The following UBA6 variants were observed in gnomAD, a reference collection of about 807,000 sequenced individuals.
UBA6 encodes ubiquitin-like modifier-activating enzyme 6.
UBA6 carries 87 observed loss-of-function variants against 148.3 expected under a neutral mutation model. The observed-to-expected ratio is 0.59, with a 90% CI of 0.49 to 0.70. The LOEUF (loss-of-function observed/expected upper bound fraction) is 0.70, where lower values mean the gene tolerates loss of function less well. Among genes scored for constraint, UBA6 ranks in the 30% least tolerant of loss-of-function variants. The pLI is 0.00. For missense variants in UBA6, 1,186 were observed against 1,241.2 expected (o/e 0.96, Z 0.67); for synonymous variants, 376 against 401.0 (o/e 0.94, Z 0.75).
At chr4:67,628,021 T>G (rs565649159) in intron 27 of UBA6, among the ~76,000 whole-genome samples, 1 of 149,948 alleles carries the variant, frequency 6.7e-6, no homozygotes, top group East Asian at 2.0e-4. Context: ...TACAGTATAA[T>G]ACCACCCAAG....
intron 6 of UBA6, among the ~76,000 whole-genome samples, chr4:67,676,768 C>T (rs867663753): frequency 1.3e-5 from 2 of 152,096 alleles, no homozygotes; most frequent in South Asian, 2.1e-4. Flanking sequence ...ATTTTGAGCT[C>T]GGATAGTCAT....
At chr4:67,669,616 C>T (rs1015669507) in intron 8 of UBA6, among the ~76,000 whole-genome samples, 1 of 149,852 alleles carries the variant, frequency 6.7e-6, no homozygotes, top group Non-Finnish European at 1.5e-5. Context: ...TTCTTTTATG[C>T]AAAAAAAAAT....
At chr4:67,636,560 T>A (rs1261792312) in intron 19 of UBA6, among the ~76,000 whole-genome samples, 1 of 152,188 alleles carries the variant, frequency 6.6e-6, no homozygotes, top group Non-Finnish European at 1.5e-5. Context: ...CCTGACTGGT[T>A]TTCATATTTT....
intron 23 of UBA6, 77 bp downstream of exon 23, chr4:67,633,268 G>T: frequency 7.9e-7 from 1 of 1,271,886 alleles, no homozygotes; most frequent in Non-Finnish European, 1.1e-6. Flanking sequence ...CACATTTCAG[G>T]TCAATGAAAT....
chr4:67,623,286 A>G, intron 30 of UBA6, 64 bp from the exon 31 acceptor site: 1 of 1,268,678 alleles, frequency 7.9e-7, no homozygotes, highest in South Asian at 1.3e-5. Flanking sequence ...GATGACACAC[A>G]CACAAAAAAA....
chr4:67,649,544 A>G (rs1051752070), intron 13 of UBA6, among the ~76,000 whole-genome samples: 1 of 152,208 alleles, frequency 6.6e-6, no homozygotes, highest in African/African-American at 2.4e-5. Flanking sequence ...ATTTACAAAT[A>G]AACAGATTTT....
chr4:67,684,013 G>A (rs1377031201), intron 2 of UBA6, among the ~76,000 whole-genome samples: 1 of 152,172 alleles, frequency 6.6e-6, no homozygotes, highest in South Asian at 2.1e-4. Flanking sequence ...GGAGGTGGAG[G>A]TTGCAGTGAG....
intron 13 of UBA6, among the ~76,000 whole-genome samples, chr4:67,652,326 A>C (rs552947588): frequency 6.6e-6 from 1 of 152,350 alleles, no homozygotes; most frequent in South Asian, 2.1e-4. Context: ...ATGGCAAATA[A>C]GCATATTAAA....
intron 2 of UBA6, among the ~76,000 whole-genome samples, chr4:67,696,166 T>C (rs1414369554): frequency 1.3e-5 from 2 of 152,184 alleles, no homozygotes; most frequent in Non-Finnish European, 1.5e-5. Context: ...CTAGATGTTA[T>C]TGTATGACTA....
At chr4:67,691,293 C>CT (rs34609830) in intron 2 of UBA6, among the ~76,000 whole-genome samples, 58,515 of 151,906 alleles carry the variant, frequency 0.39, 11,387 homozygotes, top group Middle Eastern at 0.51. Context: ...TTTATCAAAA[C>CT]TATGCGTACA....
At chr4:67,700,913 C>G in intron 1 of UBA6, 136 bp downstream of exon 1, 1 of 1,054,110 alleles carries the variant, frequency 9.5e-7, no homozygotes, top group Non-Finnish European at 1.4e-6. Flanking sequence ...CGCGCGCGCC[C>G]CTCGCCTCCC....
chr4:67,633,733 G>C (rs1195532205), intron 22 of UBA6, among the ~76,000 whole-genome samples: 1 of 152,038 alleles, frequency 6.6e-6, no homozygotes, highest in African/African-American at 2.4e-5. Context: ...TTTCCTAGCT[G>C]TAAGTTATTA....
At chr4:67,630,114 G>A (rs533210402) in intron 26 of UBA6, among the ~76,000 whole-genome samples, 24 of 152,124 alleles carry the variant, frequency 1.6e-4, no homozygotes, top group African/African-American at 5.5e-4. Context: ...AAATCTCTAC[G>A]CAGTATTTCA....
chr4:67,621,143 A>C (rs558564834), intron 32 of UBA6, among the ~76,000 whole-genome samples: 1 of 152,352 alleles, frequency 6.6e-6, no homozygotes, highest in Non-Finnish European at 1.5e-5. Flanking sequence ...AGCATAAAAT[A>C]AAGGAATTCT....
chr4:67,634,351 A>G (rs1388796648), intron 21 of UBA6, 29 bp from the exon 22 acceptor site: 1 of 1,559,084 alleles, frequency 6.4e-7, no homozygotes. Context: ...AAAAAAAATT[A>G]CAAATAGAAG....
At chr4:67,688,497 C>T (rs1231980681) in intron 2 of UBA6, among the ~76,000 whole-genome samples, 5 of 152,052 alleles carry the variant, frequency 3.3e-5, no homozygotes, top group East Asian at 1.9e-4. Context: ...AGACAGAATG[C>T]AGAATACTAT....
At position 67,616,234 on chromosome 4, in the gene UBA6, C is replaced by A. The variant is rs1229091768; in HGVS notation, c.*2763G>T. On this transcript the variant is annotated 3_prime_UTR_variant, in exon 33 of 33. Coordinates refer to ENST00000322244, the MANE Select transcript of UBA6 (RefSeq NM_018227.6). Reference sequence around the variant, plus strand: ...GAAAAGTAAAATCGCTAAATCCATACACAGTGATTATATAAAATTAGATAT... The same window carrying A: ...GAAAAGTAAAATCGCTAAATCCATAAACAGTGATTATATAAAATTAGATAT... 1 of 393,592 alleles carries A rather than the reference C, an allele frequency of 2.5e-6. No individual in the cohort carries two copies. The highest frequency in any genetic ancestry group is 2.1e-5 in the African/African-American group (1 of 48,102). The allele number at this position is 393,592 out of a possible 1,614,324, so 24.4% of individuals were successfully genotyped here. A position where few individuals can be genotyped will look rare whatever the true frequency, so the allele number is the denominator to read the frequency against.
At chr4:67,666,323 GC>G (rs1011180201) in intron 9 of UBA6, among the ~76,000 whole-genome samples, 1 of 150,986 alleles carries the variant, frequency 6.6e-6, no homozygotes. Context: ...AACCAAGTAA[GC>G]CCCCCCTTTA....
intron 2 of UBA6, among the ~76,000 whole-genome samples, chr4:67,685,661 G>C (rs1321408524): frequency 1.3e-5 from 2 of 152,192 alleles, no homozygotes; most frequent in African/African-American, 4.8e-5. Context: ...GTGTTGCCTA[G>C]TGGGAGGTGT....
Sources: allele counts gnomAD v4.1 joint callset (sites outside exome capture counted in the v4.1 genomes callset), GRCh38; gene constraint gnomAD v4.1.1; transcripts MANE v1.5; gene names NCBI Gene and HGNC (gene_info 2026-07-23, HGNC 2026-07-21).